Variants in INSIG1 observed in about 807,000 individuals in gnomAD.
The protein encoded by INSIG1 is insulin-induced gene 1 protein.
In INSIG1, 14 loss-of-function variants were observed where a neutral mutation model predicts 26.5. The observed-to-expected ratio is 0.53, with a 90% confidence interval of 0.35 to 0.83. INSIG1 has a LOEUF of 0.83. INSIG1 is among the 40% of genes least tolerant of loss of function. INSIG1 has a pLI of 0.01. For missense variants in INSIG1, 272 were observed against 368.9 expected (o/e 0.74, Z 2.15); for synonymous variants, 147 against 153.3 (o/e 0.96, Z 0.30).
At chr7:155,298,754 T>C in intron 2 of INSIG1, 57 bp downstream of exon 2, 1 of 1,476,572 alleles carries the variant, frequency 6.8e-7, no homozygotes, top group East Asian at 2.3e-5. Context: ...CGGTTGAAAG[T>C]ACTTTTCAGC....
rs1798040344 is a variant in INSIG1 at position 155,309,953 on chromosome 7, T to A, written c.*1683T>A. 6.6e-6 allele frequency: 1 copy of A among 152,658 alleles called. No individual in the cohort carries two copies. Among genetic ancestry groups the A allele is most frequent in the Non-Finnish European group, 1.5e-5 (1 of 68,038 alleles). 9.5% of individuals were successfully genotyped at this position (152,658 alleles called of 1,614,324 possible). A position where few individuals can be genotyped will look rare whatever the true frequency, so the allele number is the denominator to read the frequency against. On this transcript the variant is annotated 3_prime_UTR_variant, in exon 6 of 6. Transcript: ENST00000340368. ...GAGTGAATCTTTAAAACAGACTTGA[T>A]CACGCACACACAATAAGTCTTTCTC...
chr7:155,302,363 T>C lies in INSIG1; in HGVS notation c.650T>C (p.Ile217Thr). ...AGTGGCCTTGGGCTGGGGATCACCA[T>C]AGCTTTTCTAGCTACGCTGATCACG... ...SRSGLGLGITIAFLATLITQF... is the reference protein window; with the variant it reads ...SRSGLGLGITTAFLATLITQF... Residue 217 changes from isoleucine to threonine, a missense_variant, in exon 4 of 6, where the codon ATA becomes ACA. Physicochemically the swap from Ile to Thr is moderately conservative, Grantham distance 89. Coordinates refer to ENST00000340368, the MANE Select transcript of INSIG1 (RefSeq NM_005542.6). The surrounding 1 kb of genome is among the most constrained non-coding windows in gnomAD (Gnocchi z 4.3). The C allele has an allele frequency of 1.2e-6, 2 of 1,611,158 alleles. No individual in the cohort carries two copies. Among genetic ancestry groups the C allele is most frequent in the Non-Finnish European group, 1.7e-6 (2 of 1,178,746 alleles).
rs1798015806 is a variant in INSIG1, at chr7:155,309,028, C to CAGAT, written c.*759_*760insGATA. 6.6e-6 allele frequency: 1 copy of CAGAT among 152,636 alleles called. No individual in the cohort carries two copies. The highest frequency in any genetic ancestry group is 1.5e-5 in the Non-Finnish European group (1 of 68,034). The allele number at this position is 152,636 out of a possible 1,614,324, so 9.5% of individuals were successfully genotyped here. A position where few individuals can be genotyped will look rare whatever the true frequency, so the allele number is the denominator to read the frequency against. On this transcript the variant is annotated 3_prime_UTR_variant, in exon 6 of 6. Transcript: ENST00000340368. Reference sequence around the variant, plus strand: ...TGAAGTTTATTTCGAAATCCATAGTCATCTAAGAATGAATACCTGTCTGCC... The same window carrying CAGAT: ...TGAAGTTTATTTCGAAATCCATAGTCAGATATCTAAGAATGAATACCTGTCTGCC...
intron 5 of INSIG1, chr7:155,303,814 AT>A: frequency 7.4e-7 from 1 of 1,355,982 alleles, no homozygotes; most frequent in Non-Finnish European, 9.9e-7. Context: ...CAGTACATTT[AT>A]TTTTGCCAGC....
chr7:155,298,446 C>CGGACGCTGA lies in INSIG1; in HGVS notation c.162_170dup (p.Ala56_Asp57insGluAspAla). On this transcript the variant is annotated inframe_insertion, in exon 2 of 6. Coordinates refer to ENST00000340368, the MANE Select transcript of INSIG1 (RefSeq NM_005542.6). ...TCCCTGCTGGCGGCCCACGGTGCCC[C>CGGACGCTGA]GGACGCTGACCCCGCGCCCAGGGGC... 8 of 1,555,064 alleles carry CGGACGCTGA rather than the reference C, an allele frequency of 5.1e-6. No individual in the cohort carries two copies. Among genetic ancestry groups the CGGACGCTGA allele is most frequent in the Non-Finnish European group, 6.9e-6 (8 of 1,151,270 alleles).
chr7:155,307,195 T>A (rs1797959747), intron 5 of INSIG1, among the ~76,000 whole-genome samples: 1 of 152,210 alleles, frequency 6.6e-6, no homozygotes, highest in Non-Finnish European at 1.5e-5. Context: ...TAAAAGCATG[T>A]ATGTTTCCTA....
In INSIG1 at chr7:155,308,488, G is replaced by A. The variant is rs1464295178; in HGVS notation, c.*218G>A. 1 of 621,660 alleles carries A rather than the reference G, an allele frequency of 1.6e-6. No homozygotes were observed. The highest frequency in any genetic ancestry group is 2.9e-6 in the Non-Finnish European group (1 of 342,390). The allele number at this position is 621,660 out of a possible 1,614,324, so 38.5% of individuals were successfully genotyped here. On this transcript the variant is annotated 3_prime_UTR_variant, in exon 6 of 6. Transcript: ENST00000340368. ...CCCTTGACTGCCCGCACTGGCGCCT[G>A]TCTGTGCCCTGGAGCATTCTGCCCA...
chr7:155,298,020 C>T, intron 1 of INSIG1, 61 bp downstream of exon 1: 2 of 343,778 alleles, frequency 5.8e-6, no homozygotes, highest in Non-Finnish European at 1.0e-5. Flanking sequence ...AGCCGGTCCT[C>T]CCCGGAGGTA....
At chr7:155,299,284 G>A (rs554881792) in intron 2 of INSIG1, among the ~76,000 whole-genome samples, 11 of 152,318 alleles carry the variant, frequency 7.2e-5, no homozygotes, top group African/African-American at 2.2e-4. Context: ...TTAAGGAAAA[G>A]AGTAACCCCC....
intron 5 of INSIG1, among the ~76,000 whole-genome samples, chr7:155,305,116 AGCCTGGGT>A (rs2150900374): frequency 6.7e-6 from 1 of 150,322 alleles, no homozygotes; most frequent in South Asian, 2.1e-4. Context: ...ACTGCATTCC[AGCCTGGGT>A]GACAGAGCAA....
chr7:155,299,486 CA>C lies in INSIG1; in HGVS notation c.412+790del, dbSNP rs1334788993. Among the ~76,000 whole-genome samples the C allele has an allele frequency of 1.2e-4, 19 of 152,328 alleles. No individual in the cohort carries two copies. The East Asian group carries it at 3.3e-3, about 26-fold the overall frequency. On this transcript the variant is annotated intron_variant, in intron 2 of 5. Coordinates refer to ENST00000340368, the MANE Select transcript of INSIG1 (RefSeq NM_005542.6). ...GCAGATCACTTACTGCTCCTGTAGT[CA>C]CACAGCATTTGTTTATTTAACGAGC...
Position 155,302,140 on chromosome 7 carries a change from GA to G in INSIG1, c.538-109del. On this transcript the variant is annotated intron_variant, in intron 3 of 5. Transcript: ENST00000340368. This position sits in a 1 kb window ranked among gnomAD's most constrained non-coding sequence, Gnocchi z 4.3. Reference sequence around the variant, plus strand: ...TTATTACACAGTTTTTATGGACAGTGAATTATCTGTGGTACAATAATAAAAT... The same window carrying G: ...TTATTACACAGTTTTTATGGACAGTGATTATCTGTGGTACAATAATAAAAT... 1.3e-6 allele frequency: 1 copy of G among 779,574 alleles called. No individual in the cohort carries two copies. The highest frequency in any genetic ancestry group is 1.8e-5 in the African/African-American group (1 of 55,738). The allele number at this position is 779,574 out of a possible 1,614,324, so 48.3% of individuals were successfully genotyped here. A position where few individuals can be genotyped will look rare whatever the true frequency, so the allele number is the denominator to read the frequency against.
intron 2 of INSIG1, among the ~76,000 whole-genome samples, chr7:155,300,567 C>G (rs1240664755): frequency 6.6e-6 from 1 of 152,106 alleles, no homozygotes; most frequent in African/African-American, 2.4e-5. Flanking sequence ...CACAGTGACC[C>G]TTGTGTCCCA....
intron 5 of INSIG1, among the ~76,000 whole-genome samples, chr7:155,305,599 C>G (rs905367620): frequency 1.3e-5 from 2 of 152,168 alleles, no homozygotes; most frequent in Non-Finnish European, 2.9e-5. Flanking sequence ...AGGGAGATGA[C>G]GAGAGTGAAG....
At position 155,298,350 on chromosome 7, in the gene INSIG1, C is replaced by T; in HGVS notation, c.65C>T (p.Pro22Leu). ...SCAHSARRRG[P>L]PRASAAGLAA... Reference sequence around the variant, plus strand: ...GCGCACAGCGCGAGGCGCCGAGGCCCCCCGCGAGCCAGCGCCGCGGGGCTG... The same window carrying T: ...GCGCACAGCGCGAGGCGCCGAGGCCTCCCGCGAGCCAGCGCCGCGGGGCTG... The change falls in exon 2 of 6, where the codon CCC becomes CTC. Residue 22 changes from proline (P) to leucine (L), a missense_variant. Pro to Leu is a moderately conservative substitution (Grantham distance 98). Coordinates refer to ENST00000340368, the MANE Select transcript of INSIG1 (RefSeq NM_005542.6). 6.6e-7 allele frequency: 1 copy of T among 1,512,196 alleles called. No individual in the cohort carries two copies. Among genetic ancestry groups the T allele is most frequent in the East Asian group, 2.4e-5 (1 of 42,064 alleles). The allele number at this position is 1,512,196 out of a possible 1,614,324, so 93.7% of individuals were successfully genotyped here. A position where few individuals can be genotyped will look rare whatever the true frequency, so the allele number is the denominator to read the frequency against.
At chr7:155,300,091 AT>A (rs1797744693) in intron 2 of INSIG1, among the ~76,000 whole-genome samples, 1 of 152,170 alleles carries the variant, frequency 6.6e-6, no homozygotes, top group South Asian at 2.1e-4. Context: ...CTAATTGAAC[AT>A]TTTTTGAGAA....
chr7:155,298,093 C>G, intron 1 of INSIG1, 134 bp downstream of exon 1: 2 of 473,184 alleles, frequency 4.2e-6, no homozygotes, highest in East Asian at 3.6e-5. Flanking sequence ...GGATGCTGCT[C>G]GCTGTGAGCG....
At chr7:155,307,262 C>A (rs1262661735) in intron 5 of INSIG1, among the ~76,000 whole-genome samples, 6 of 152,196 alleles carry the variant, frequency 3.9e-5, no homozygotes, top group Non-Finnish European at 8.8e-5. Flanking sequence ...GGTGACTCAA[C>A]CCAGACTCAT....
chr7:155,305,361 A>G (rs1355669146), intron 5 of INSIG1, among the ~76,000 whole-genome samples: 1 of 152,132 alleles, frequency 6.6e-6, no homozygotes, highest in Non-Finnish European at 1.5e-5. Flanking sequence ...AACCCCGGAA[A>G]TGGCCCAGGG....
Sources: allele counts gnomAD v4.1 joint callset (sites outside exome capture counted in the v4.1 genomes callset), GRCh38; gene constraint gnomAD v4.1.1; non-coding constraint Gnocchi (gnomAD v3.1); transcripts MANE v1.5; gene names NCBI Gene and HGNC (gene_info 2026-07-23, HGNC 2026-07-21).